Variants in BRINP3 observed in about 807,000 individuals in gnomAD.
BRINP3 encodes the protein BMP/retinoic acid-inducible neural-specific protein 3.
BRINP3 carries 19 observed loss-of-function variants against 71.0 expected under a neutral mutation model. The observed-to-expected ratio is 0.27, with a 90% CI of 0.19 to 0.39. The LOEUF is 0.39. Among genes scored for constraint, BRINP3 ranks in the 10% least tolerant of loss-of-function variants. BRINP3 has a pLI of 1.00. For missense variants in BRINP3, 959 were observed against 940.8 expected, an observed-to-expected ratio of 1.02 and a Z score of -0.25; for synonymous variants, 380 against 337.7, an observed-to-expected ratio of 1.13 and a Z score of -1.37.
In BRINP3 at chr1:190,156,968, A is replaced by G. The variant is rs931814126; in HGVS notation, c.1184+3700T>C. On this transcript the variant is annotated intron_variant, in intron 7 of 7. Transcript: ENST00000367462. ...AACTTATAATTCATTTATTTTTACT[A>G]GAAATTAATGTGGCTTCCATGATAT... Among the ~76,000 whole-genome samples the G allele has an allele frequency of 2.6e-5, 4 of 152,056 alleles. No individual in the cohort carries two copies. The East Asian group carries it at 7.7e-4, about 29-fold the overall frequency.
At chr1:190,162,060 G>GA (rs1174492564) in intron 6 of BRINP3, among the ~76,000 whole-genome samples, 1 of 151,764 alleles carries the variant, frequency 6.6e-6, no homozygotes, top group Admixed American at 6.6e-5. Context: ...ACTTTTATCT[G>GA]AAAAAAGAAG....
chr1:190,323,276 T>G (rs974074648), intron 2 of BRINP3, among the ~76,000 whole-genome samples: 69 of 152,130 alleles, frequency 4.5e-4, no homozygotes, highest in African/African-American at 1.5e-3. Flanking sequence ...TAATTTTTCT[T>G]GTTAGCATAA....
intron 2 of BRINP3, among the ~76,000 whole-genome samples, chr1:190,396,698 C>T (rs1052946693): frequency 1.0e-5 from 1 of 99,322 alleles, no homozygotes; most frequent in Non-Finnish European, 2.1e-5. Flanking sequence ...ACGCACTATG[C>T]ATTCCTAATT....
intron 4 of BRINP3, among the ~76,000 whole-genome samples, chr1:190,252,087 AT>A (rs1660201989): frequency 6.6e-6 from 1 of 151,978 alleles, no homozygotes; most frequent in Admixed American, 6.6e-5. Flanking sequence ...TTGTAAAGAT[AT>A]TTTTTTCCTT....
chr1:190,256,487 T>G (rs1004461939), intron 4 of BRINP3, among the ~76,000 whole-genome samples: 3 of 152,214 alleles, frequency 2.0e-5, no homozygotes, highest in Non-Finnish European at 2.9e-5. Context: ...CCCATTTATA[T>G]TTAAGGTTAA....
At chr1:190,406,907 T>C (rs1312090246) in intron 2 of BRINP3, among the ~76,000 whole-genome samples, 2 of 152,200 alleles carry the variant, frequency 1.3e-5, no homozygotes, top group East Asian at 1.9e-4. Context: ...CACTTGAATA[T>C]AATTGAAGCT....
chr1:190,376,890 G>T (rs1670219650), intron 2 of BRINP3, among the ~76,000 whole-genome samples: 1 of 151,982 alleles, frequency 6.6e-6, no homozygotes, highest in South Asian at 2.1e-4. Context: ...ATAAAGAAAG[G>T]CAGAGACAAA....
chr1:190,145,257 A>G (rs1655788064), intron 7 of BRINP3, among the ~76,000 whole-genome samples: 1 of 152,190 alleles, frequency 6.6e-6, no homozygotes, highest in African/African-American at 2.4e-5. Context: ...AAAAATGGTT[A>G]CAAGTTCTCA....
At chr1:190,229,645 A>AAC (rs71794093) in intron 5 of BRINP3, among the ~76,000 whole-genome samples, 24,695 of 133,278 alleles carry the variant, frequency 0.19, 2,464 homozygotes, top group Non-Finnish European at 0.24. Context: ...AACAAAACAA[A>AAC]ACACACACAC....
At chr1:190,387,019 T>C (rs147494696) in intron 2 of BRINP3, among the ~76,000 whole-genome samples, 45 of 152,080 alleles carry the variant, frequency 3.0e-4, no homozygotes, top group African/African-American at 1.0e-3. Flanking sequence ...TGTTAATCAG[T>C]GTTATTCTGG....
chr1:190,109,102 T>G (rs993582018), intron 7 of BRINP3, among the ~76,000 whole-genome samples: 3 of 152,186 alleles, frequency 2.0e-5, no homozygotes, highest in Non-Finnish European at 2.9e-5. Context: ...TCTTTTTGTT[T>G]ACAAAGTTAT....
chr1:190,154,707 T>A (rs551206367), intron 7 of BRINP3, among the ~76,000 whole-genome samples: 3 of 152,292 alleles, frequency 2.0e-5, no homozygotes, highest in African/African-American at 7.2e-5. Context: ...TAAATCTGCA[T>A]GTCAAAACAA....
At chr1:190,276,654 C>T (rs998892005) in intron 3 of BRINP3, among the ~76,000 whole-genome samples, 2 of 151,320 alleles carry the variant, frequency 1.3e-5, no homozygotes, top group African/African-American at 4.8e-5. Context: ...CATACACACA[C>T]ACACACATAT....
At chr1:190,389,129 GA>G (rs934916336) in intron 2 of BRINP3, among the ~76,000 whole-genome samples, 1 of 151,576 alleles carries the variant, frequency 6.6e-6, no homozygotes, top group African/African-American at 2.4e-5. Context: ...AAAAAATAAA[GA>G]AAAAATATTA....
chr1:190,210,921 A>G lies in BRINP3; in HGVS notation c.961+15161T>C, dbSNP rs117415450. On this transcript the variant is annotated intron_variant, in intron 6 of 7. Coordinates refer to ENST00000367462, the MANE Select transcript of BRINP3 (RefSeq NM_199051.3). ...ACGCTTGTTGAGTCTTCCAGCCTCC[A>G]TCTTTCTCCTGTGCCGGGTGCTTTC... Among the ~76,000 whole-genome samples the G allele has an allele frequency of 2.0e-5, 3 of 152,184 alleles. No individual in the cohort carries two copies. The East Asian group carries it at 5.8e-4, about 30-fold the overall frequency.
At chr1:190,138,618 G>T (rs772852823) in intron 7 of BRINP3, among the ~76,000 whole-genome samples, 23 of 152,100 alleles carry the variant, frequency 1.5e-4, no homozygotes, top group Non-Finnish European at 3.1e-4. Context: ...GTTTGAGGGA[G>T]AAATAATTGA....
At chr1:190,202,950 A>G (rs922992976) in intron 6 of BRINP3, among the ~76,000 whole-genome samples, 15 of 152,196 alleles carry the variant, frequency 9.9e-5, no homozygotes, top group African/African-American at 3.6e-4. Context: ...CAGAGTACCA[A>G]ATACAGAATG....
intron 6 of BRINP3, among the ~76,000 whole-genome samples, chr1:190,195,830 A>G (rs1654430905): frequency 6.6e-6 from 1 of 151,974 alleles, no homozygotes; most frequent in South Asian, 2.1e-4. Flanking sequence ...ATTTATAACT[A>G]TATCCATAAT....
intron 1 of BRINP3, among the ~76,000 whole-genome samples, chr1:190,458,747 G>C (rs536560226): frequency 2.6e-5 from 4 of 152,000 alleles, no homozygotes; most frequent in African/African-American, 9.6e-5. Context: ...GAAATCACAA[G>C]TTCCAATGAA....
Sources: gnomAD v4.1 joint callset for allele counts (sites outside exome capture counted in the v4.1 genomes callset) on GRCh38, gnomAD v4.1.1 for gene constraint, MANE v1.5 for transcripts, NCBI Gene and HGNC (gene_info 2026-07-23, HGNC 2026-07-21) for gene names.